The following CNTNAP2 variants were observed in gnomAD, a reference collection of about 807,000 sequenced individuals.
CNTNAP2 encodes contactin-associated protein-like 2.
CNTNAP2 carries 98 observed loss-of-function variants against 155.2 expected under a neutral mutation model. That is an observed-to-expected ratio of 0.63 (90% CI 0.54 to 0.75). The LOEUF is 0.75. Ranked by LOEUF, CNTNAP2 falls within the 30% of genes least tolerant of loss-of-function variation. The pLI is 0.00. For synonymous variants in CNTNAP2, 651 were observed against 631.2 expected, an observed-to-expected ratio of 1.03 and a Z score of -0.47; for missense variants, 1,727 against 1,688.1, an observed-to-expected ratio of 1.02 and a Z score of -0.40.
chr7:147,330,547 C>T (rs1563163510), intron 9 of CNTNAP2, among the ~76,000 whole-genome samples: 1 of 152,144 alleles, frequency 6.6e-6, no homozygotes, highest in African/African-American at 2.4e-5. Flanking sequence ...GAACTGAGTC[C>T]TTCACCTGAA....
At chr7:148,176,201 C>A (rs1216041181) in intron 18 of CNTNAP2, among the ~76,000 whole-genome samples, 2 of 126,726 alleles carry the variant, frequency 1.6e-5, no homozygotes, top group Non-Finnish European at 1.7e-5. Context: ...TTTTTCTTTT[C>A]TTTCTTTCTC....
intron 1 of CNTNAP2, among the ~76,000 whole-genome samples, chr7:146,703,652 C>A (rs1800914969): frequency 6.6e-6 from 1 of 152,050 alleles, no homozygotes; most frequent in Non-Finnish European, 1.5e-5. Context: ...GAAGCAATTT[C>A]TTGCCATGTT....
chr7:147,344,480 T>G (rs988309515), intron 9 of CNTNAP2, among the ~76,000 whole-genome samples: 1 of 152,188 alleles, frequency 6.6e-6, no homozygotes, highest in Non-Finnish European at 1.5e-5. Context: ...ATAATTTTTC[T>G]CTGGGCTATT....
At chr7:147,470,486 G>A (rs1200433930) in intron 10 of CNTNAP2, among the ~76,000 whole-genome samples, 9 of 152,006 alleles carry the variant, frequency 5.9e-5, no homozygotes, top group Admixed American at 2.0e-4. Flanking sequence ...CTATGATAGC[G>A]TCTTGGATTA....
chr7:146,525,563 T>A, intron 1 of CNTNAP2, among the ~76,000 whole-genome samples: 1 of 147,194 alleles, frequency 6.8e-6, no homozygotes, highest in South Asian at 2.1e-4. Context: ...TATCTATCTA[T>A]CTATCTATCT....
intron 4 of CNTNAP2, among the ~76,000 whole-genome samples, chr7:147,091,701 G>T (rs1800411207): frequency 6.6e-6 from 1 of 151,966 alleles, no homozygotes; most frequent in Non-Finnish European, 1.5e-5. Flanking sequence ...CGCCTCCCAG[G>T]TTGAAGCCAT....
At chr7:147,094,894 G>A (rs996909721) in intron 4 of CNTNAP2, among the ~76,000 whole-genome samples, 3 of 152,146 alleles carry the variant, frequency 2.0e-5, no homozygotes, top group African/African-American at 7.2e-5. Flanking sequence ...AAGTTCTAAT[G>A]TCTGAGAAGT....
Position 147,851,919 on chromosome 7 carries a change from GAAT to G in CNTNAP2, c.2099-51637_2099-51635del, listed in dbSNP as rs888997652. ...GAACTTAAAATATAATAAATAATAA[GAAT>G]AATAATAAATTATTTTTCTGATTTG... On this transcript the variant is annotated intron_variant, in intron 13 of 23. Transcript: ENST00000361727. Among the ~76,000 whole-genome samples the G allele has an allele frequency of 4.6e-5, 7 of 151,534 alleles. No individual in the cohort carries two copies. In the East Asian group the frequency reaches 9.7e-4, roughly 21 times the overall value.
At chr7:146,389,283 G>T (rs1217866879) in intron 1 of CNTNAP2, among the ~76,000 whole-genome samples, 4 of 151,292 alleles carry the variant, frequency 2.6e-5, no homozygotes, top group Admixed American at 2.0e-4. Context: ...AACCTAAAGA[G>T]GACTGTCCTA....
intron 3 of CNTNAP2, among the ~76,000 whole-genome samples, chr7:147,017,050 T>C (rs1276290264): frequency 6.6e-6 from 1 of 151,408 alleles, no homozygotes; most frequent in Admixed American, 6.6e-5. Flanking sequence ...AAAAAAGAAA[T>C]CAATGTAAAG....
intron 9 of CNTNAP2, among the ~76,000 whole-genome samples, chr7:147,329,501 T>C (rs1795519144): frequency 6.6e-6 from 1 of 152,136 alleles, no homozygotes; most frequent in Non-Finnish European, 1.5e-5. Context: ...TACTGAATGT[T>C]GTAAGCAGCT....
chr7:148,409,328 A>C, intron 22 of CNTNAP2, 63 bp from the exon 23 acceptor site: 1 of 1,261,450 alleles, frequency 7.9e-7, no homozygotes, highest in Non-Finnish European at 1.2e-6. Context: ...AGAAATAGGT[A>C]TCAAATTATT....
intron 11 of CNTNAP2, among the ~76,000 whole-genome samples, chr7:147,548,218 A>G (rs1254267574): frequency 1.3e-5 from 2 of 152,194 alleles, no homozygotes; most frequent in Non-Finnish European, 1.5e-5. Context: ...TTTCATTCCT[A>G]CCAACAGTGT....
chr7:146,148,911 A>G (rs1797993589), intron 1 of CNTNAP2, among the ~76,000 whole-genome samples: 1 of 151,922 alleles, frequency 6.6e-6, no homozygotes, highest in Admixed American at 6.6e-5. Flanking sequence ...CTATGAGTAT[A>G]GTGTTATATT....
chr7:148,371,438 C>T (rs1627217), intron 21 of CNTNAP2, among the ~76,000 whole-genome samples: 49,403 of 151,982 alleles, frequency 0.33, 8,483 homozygotes, highest in Non-Finnish European at 0.39. Flanking sequence ...CTTTGGCTCA[C>T]GATAATGTCC....
intron 21 of CNTNAP2, among the ~76,000 whole-genome samples, chr7:148,333,411 G>A (rs1221596328): frequency 6.7e-6 from 1 of 150,338 alleles, no homozygotes; most frequent in East Asian, 2.0e-4. Flanking sequence ...CTGGGTGACA[G>A]ATCAGATTCC....
chr7:147,046,774 A>G (rs1410255965), intron 4 of CNTNAP2, among the ~76,000 whole-genome samples: 3 of 152,096 alleles, frequency 2.0e-5, no homozygotes, highest in Admixed American at 6.6e-5. Context: ...TCACACCTGT[A>G]ATCCCAGCAC....
intron 13 of CNTNAP2, among the ~76,000 whole-genome samples, chr7:147,838,190 C>A (rs1798663881): frequency 1.3e-5 from 2 of 152,176 alleles, no homozygotes. Context: ...GACACCAATT[C>A]CCTAGACTGC....
chr7:146,986,069 G>T (rs1227427705), intron 3 of CNTNAP2, among the ~76,000 whole-genome samples: 1 of 152,054 alleles, frequency 6.6e-6, no homozygotes, highest in African/African-American at 2.4e-5. Context: ...AACTTCTTTA[G>T]TGGTGATTTG....
Sources: gnomAD v4.1 joint callset for allele counts (sites outside exome capture counted in the v4.1 genomes callset) on GRCh38, gnomAD v4.1.1 for gene constraint, MANE v1.5 for transcripts, NCBI Gene and HGNC (gene_info 2026-07-23, HGNC 2026-07-21) for gene names.